Variants in TEX101 observed in about 807,000 individuals in gnomAD.
The protein encoded by TEX101 is testis expressed 101.
A neutral mutation model predicts 18.1 loss-of-function variants in TEX101; 10 were observed. The ratio of observed to expected loss-of-function variants is 0.55; its 90% CI spans 0.34 to 0.94. The LOEUF (loss-of-function observed/expected upper bound fraction) is 0.94, where lower values mean the gene tolerates loss of function less well. Among genes scored for constraint, TEX101 ranks in the 40% least tolerant of loss-of-function variants. The pLI is 0.02. For synonymous variants in TEX101, 94 were observed against 114.8 expected, an observed-to-expected ratio of 0.82 and a Z score of 1.16; for missense variants, 259 against 298.9, an observed-to-expected ratio of 0.87 and a Z score of 0.98.
At chr19:43,406,491 T>A (rs750456042) in exon 3 of TEX101, 2 of 764,650 alleles carry the variant, frequency 2.6e-6, no homozygotes, top group Admixed American at 1.8e-5. Context: ...CCCGCCTCCA[T>A]CTTCAGTTCC....
intron 1 of TEX101, 40 bp downstream of exon 1, chr19:43,415,078 G>A (rs1970458311): frequency 1.0e-6 from 1 of 985,112 alleles, no homozygotes. Flanking sequence ...GCTCTGAGGG[G>A]AACGAGGGTT....
intron 4 of TEX101, 133 bp from the exon 5 acceptor site, chr19:43,417,745 G>T (rs924855849): frequency 8.8e-7 from 1 of 1,142,110 alleles, no homozygotes. Flanking sequence ...GCTGGGGAAG[G>T]ATGGGGAGGC....
chr19:43,403,195 T>C (rs1970332906), intron 2 of TEX101, among the ~76,000 whole-genome samples: 1 of 152,200 alleles, frequency 6.6e-6, no homozygotes, highest in South Asian at 2.1e-4. Flanking sequence ...TGGACCGTAT[T>C]GGATTCCTAA....
At chr19:43,393,084 G>GAAGGAAGGAAGGAAGGAAGA in the TEX101 span, among the ~76,000 whole-genome samples, 1 of 149,614 alleles carries the variant, frequency 6.7e-6, no homozygotes, top group Admixed American at 6.7e-5. Flanking sequence ...GGGAAGGAAG[G>GAAGGAAGGAAGGAAGGAAGA]AAGGAAGGAA....
chr19:43,393,265 G>A, the TEX101 span, among the ~76,000 whole-genome samples: 1 of 152,148 alleles, frequency 6.6e-6, no homozygotes, highest in Non-Finnish European at 1.5e-5. Flanking sequence ...AAGAGAGAGA[G>A]GCAGACAGAC....
At chr19:43,398,308 G>C (rs1252563790), upstream of TEX101, among the ~76,000 whole-genome samples, 1 of 138,570 alleles carries the variant, frequency 7.2e-6, no homozygotes, top group Non-Finnish European at 1.5e-5. Context: ...ACAGAGTCTC[G>C]CTCTGTTGCC....
intron 2 of TEX101, among the ~76,000 whole-genome samples, chr19:43,405,224 G>T (rs962406766): frequency 6.6e-6 from 1 of 152,106 alleles, no homozygotes; most frequent in Non-Finnish European, 1.5e-5. Flanking sequence ...AATTATGCGT[G>T]CTGGAATTTC....
upstream of TEX101, among the ~76,000 whole-genome samples, chr19:43,396,747 G>A (rs142563096): frequency 8.6e-5 from 13 of 151,908 alleles, no homozygotes; most frequent in African/African-American, 1.7e-4. Context: ...ATTACCGCAC[G>A]GCTTCGGGGC....
the TEX101 span, among the ~76,000 whole-genome samples, chr19:43,389,067 C>T: frequency 6.6e-6 from 1 of 152,120 alleles, no homozygotes; most frequent in Non-Finnish European, 1.5e-5. Flanking sequence ...TAACTCTAGG[C>T]AGAAACCGGC....
At chr19:43,393,896 G>T in the TEX101 span, among the ~76,000 whole-genome samples, 1 of 151,948 alleles carries the variant, frequency 6.6e-6, no homozygotes, top group Non-Finnish European at 1.5e-5. Context: ...CTCCAGGAGT[G>T]TAACCGTGTT....
intron 3 of TEX101, among the ~76,000 whole-genome samples, chr19:43,408,143 G>A (rs952078062): frequency 2.6e-5 from 4 of 152,308 alleles, no homozygotes; most frequent in Non-Finnish European, 5.9e-5. Context: ...GAGCCTGCCC[G>A]AGCCCGCAAT....
chr19:43,391,771 C>T, the TEX101 span, among the ~76,000 whole-genome samples: 2 of 152,154 alleles, frequency 1.3e-5, no homozygotes, highest in Non-Finnish European at 2.9e-5. Flanking sequence ...CTGTGGCCAT[C>T]GCCAACACTG....
chr19:43,411,559 T>A (rs928360062), upstream of TEX101, among the ~76,000 whole-genome samples: 2 of 152,234 alleles, frequency 1.3e-5, no homozygotes, highest in African/African-American at 4.8e-5. Context: ...CATTGAGCTT[T>A]TTTCTTTTTT....
chr19:43,404,246 A>G (rs1970342646), intron 2 of TEX101, among the ~76,000 whole-genome samples: 1 of 152,100 alleles, frequency 6.6e-6, no homozygotes, highest in African/African-American at 2.4e-5. Flanking sequence ...TGAAAAAGGC[A>G]ATTTCTTGGG....
the TEX101 span, among the ~76,000 whole-genome samples, chr19:43,390,887 A>C: frequency 0.044 from 6,653 of 151,434 alleles, 440 homozygotes; most frequent in African/African-American, 0.14. Context: ...ATTCTTTACC[A>C]ATTAAACACA....
upstream of TEX101, among the ~76,000 whole-genome samples, chr19:43,397,104 G>C (rs1160755072): frequency 1.3e-5 from 2 of 152,056 alleles, no homozygotes; most frequent in East Asian, 3.9e-4. Context: ...CCAAAGTGCT[G>C]GGATTACAGG....
At chr19:43,390,271 A>G in the TEX101 span, among the ~76,000 whole-genome samples, 12 of 151,896 alleles carry the variant, frequency 7.9e-5, no homozygotes, top group South Asian at 2.1e-4. Context: ...CCTGTTCCCT[A>G]TGCACCCAGG....
At chr19:43,414,608 G>A (rs1160516609), upstream of TEX101, among the ~76,000 whole-genome samples, 3 of 152,200 alleles carry the variant, frequency 2.0e-5, no homozygotes, top group African/African-American at 7.2e-5. Flanking sequence ...AGACAACAGA[G>A]TGCAAAAAGA....
chr19:43,401,566 G>T (rs948748031), intron 1 of TEX101: 1 of 152,264 alleles, frequency 6.6e-6, no homozygotes, highest in Non-Finnish European at 1.5e-5. Context: ...GGCCAGGTGC[G>T]TGGCTGAGGG....
Sources: allele counts gnomAD v4.1 joint callset (sites outside exome capture counted in the v4.1 genomes callset), GRCh38; gene constraint gnomAD v4.1.1; transcripts MANE v1.5; gene names NCBI Gene and HGNC (gene_info 2026-07-23, HGNC 2026-07-21).